PPARG: variants seen among roughly 807,000 people sequenced by gnomAD.
PPARG encodes peroxisome proliferator-activated receptor gamma.
Under a neutral mutation model 39.2 loss-of-function variants are expected in PPARG, and 17 were observed. That is an observed-to-expected ratio of 0.43 (90% CI 0.30 to 0.65). The LOEUF (loss-of-function observed/expected upper bound fraction) is 0.65, where lower values mean the gene tolerates loss of function less well. Ranked by LOEUF, PPARG falls within the 30% of genes least tolerant of loss-of-function variation. The probability of loss-of-function intolerance (pLI) is 0.13; values close to 1 mark genes in which losing one functional copy is unlikely to be tolerated. For synonymous variants in PPARG, 223 were observed against 215.7 expected, an observed-to-expected ratio of 1.03 and a Z score of -0.30; for missense variants, 406 against 585.9, an observed-to-expected ratio of 0.69 and a Z score of 3.17.
At chr3:12,304,723 T>C (rs111510237) in intron 1 of PPARG, among the ~76,000 whole-genome samples, 5 of 152,314 alleles carry the variant, frequency 3.3e-5, no homozygotes, top group African/African-American at 1.2e-4. Context: ...GTTGAATGAA[T>C]GTGAGGTGAG....
chr3:12,349,723 CAT>C (rs2048426999), intron 2 of PPARG, among the ~76,000 whole-genome samples: 1 of 152,210 alleles, frequency 6.6e-6, no homozygotes, highest in Admixed American at 6.5e-5. Flanking sequence ...TCAAGTAAAA[CAT>C]AGTCTGGGGG....
At chr3:12,316,572 G>A (rs1176764652) in intron 2 of PPARG, among the ~76,000 whole-genome samples, 6 of 151,642 alleles carry the variant, frequency 4.0e-5, no homozygotes, top group Non-Finnish European at 5.9e-5. Flanking sequence ...TGGTTAAAAT[G>A]GTAAATTTTA....
intron 2 of PPARG, among the ~76,000 whole-genome samples, chr3:12,352,743 A>T (rs1362222955): frequency 6.6e-6 from 1 of 152,214 alleles, no homozygotes; most frequent in Non-Finnish European, 1.5e-5. Context: ...GCTTTTTAAA[A>T]ATGAGTAAGA....
intron 7 of PPARG, among the ~76,000 whole-genome samples, chr3:12,429,280 A>G (rs908432610): frequency 1.3e-5 from 2 of 152,196 alleles, no homozygotes; most frequent in African/African-American, 4.8e-5. Flanking sequence ...TAGAGAGGCC[A>G]GTTCCATGAC....
intron 6 of PPARG, among the ~76,000 whole-genome samples, chr3:12,414,758 G>A (rs563658011): frequency 1.3e-5 from 2 of 152,262 alleles, no homozygotes; most frequent in East Asian, 3.9e-4. Context: ...AATACGGTAA[G>A]GACAGTTTGG....
chr3:12,293,890 G>A (rs1383656482), intron 1 of PPARG, among the ~76,000 whole-genome samples: 6 of 152,114 alleles, frequency 3.9e-5, no homozygotes, highest in Non-Finnish European at 7.4e-5. Flanking sequence ...CACCCCTCTG[G>A]CTGTCATACA....
intron 5 of PPARG, among the ~76,000 whole-genome samples, chr3:12,395,521 C>A (rs1235841934): frequency 6.6e-6 from 1 of 152,148 alleles, no homozygotes; most frequent in Non-Finnish European, 1.5e-5. Flanking sequence ...AAGGAACTTT[C>A]ATTTTCATTG....
At chr3:12,296,063 C>T (rs1442354543) in intron 1 of PPARG, among the ~76,000 whole-genome samples, 1 of 150,996 alleles carries the variant, frequency 6.6e-6, no homozygotes, top group African/African-American at 2.4e-5. Context: ...ACCAGCCTGG[C>T]CAACGTGGCA....
intron 4 of PPARG, among the ~76,000 whole-genome samples, chr3:12,388,345 C>T (rs1271120474): frequency 1.3e-5 from 2 of 152,142 alleles, no homozygotes; most frequent in African/African-American, 4.8e-5. Flanking sequence ...CCCTCAGTTC[C>T]AAGCTGTGAG....
intron 2 of PPARG, among the ~76,000 whole-genome samples, chr3:12,365,426 G>A (rs1327137472): frequency 6.6e-6 from 1 of 152,014 alleles, no homozygotes; most frequent in Non-Finnish European, 1.5e-5. Context: ...CATGTCTCTG[G>A]TGGTGTATCT....
At chr3:12,312,780 C>T (rs1340665865) in intron 2 of PPARG, among the ~76,000 whole-genome samples, 1 of 152,064 alleles carries the variant, frequency 6.6e-6, no homozygotes, top group Non-Finnish European at 1.5e-5. Context: ...TCTTATGATA[C>T]TTTTAATTAA....
At chr3:12,296,727 A>G (rs1302882533) in intron 1 of PPARG, among the ~76,000 whole-genome samples, 6 of 152,186 alleles carry the variant, frequency 3.9e-5, no homozygotes, top group Non-Finnish European at 7.3e-5. Context: ...TTAGCTTAGC[A>G]TGGCTGCTTA....
At chr3:12,351,510 T>C in intron 2 of PPARG, 1 of 1,099,338 alleles carries the variant, frequency 9.1e-7, no homozygotes. Context: ...ACTTCAAGTC[T>C]TTTTCTTTTA....
At chr3:12,344,407 G>C (rs1368187047) in intron 2 of PPARG, among the ~76,000 whole-genome samples, 1 of 152 alleles carries the variant, frequency 6.6e-3, no homozygotes, top group Non-Finnish European at 0.013. Flanking sequence ...CAAACTTTTA[G>C]ACTGAACCAT....
At chr3:12,383,835 AG>A (rs1011145006) in intron 4 of PPARG, among the ~76,000 whole-genome samples, 1 of 152,058 alleles carries the variant, frequency 6.6e-6, no homozygotes, top group African/African-American at 2.4e-5. Flanking sequence ...CAAGCAGGGA[AG>A]AAGAGTAGCA....
At chr3:12,359,970 C>T (rs1221029432) in intron 2 of PPARG, among the ~76,000 whole-genome samples, 3 of 152,068 alleles carry the variant, frequency 2.0e-5, no homozygotes, top group African/African-American at 7.2e-5. Context: ...CTATGCCCAG[C>T]CTGCTTCACT....
At chr3:12,293,959 A>T (rs1287489912) in intron 1 of PPARG, among the ~76,000 whole-genome samples, 1 of 152,186 alleles carries the variant, frequency 6.6e-6, no homozygotes, top group African/African-American at 2.4e-5. Flanking sequence ...ATGTCTTTGA[A>T]TTTGAAAGCT....
intron 2 of PPARG, among the ~76,000 whole-genome samples, chr3:12,359,276 A>T (rs1190389346): frequency 6.6e-6 from 1 of 152,172 alleles, no homozygotes; most frequent in African/African-American, 2.4e-5. Flanking sequence ...TACTGAGCTG[A>T]AGATATAGAG....
chr3:12,433,752 T>G, intron 7 of PPARG, 146 bp from the exon 8 acceptor site: 1 of 1,146,288 alleles, frequency 8.7e-7, no homozygotes, highest in Non-Finnish European at 1.3e-6. Context: ...CTGCTTACCC[T>G]TCCTCCCCAC....
Sources: allele counts gnomAD v4.1 joint callset (sites outside exome capture counted in the v4.1 genomes callset), GRCh38; gene constraint gnomAD v4.1.1; transcripts MANE v1.5; gene names NCBI Gene and HGNC (gene_info 2026-07-23, HGNC 2026-07-21).